Variants in RASGRF1 observed in about 807,000 individuals in gnomAD.
RASGRF1 encodes the protein Ras protein specific guanine nucleotide releasing factor 1, also known as ras-specific guanine nucleotide-releasing factor 1.
A neutral mutation model predicts 138.7 loss-of-function variants in RASGRF1; 40 were observed. That is an observed-to-expected ratio of 0.29 (90% CI 0.22 to 0.38). RASGRF1 has a LOEUF of 0.38. RASGRF1 is among the 10% of genes least tolerant of loss of function. RASGRF1 has a pLI of 1.00. For synonymous variants in RASGRF1, 614 were observed against 663.2 expected, an observed-to-expected ratio of 0.93 and a Z score of 1.14; for missense variants, 1,108 against 1,650.4, an observed-to-expected ratio of 0.67 and a Z score of 5.69.
At position 79,035,290 on chromosome 15, in the gene RASGRF1, G is replaced by A. The variant is rs145457358; in HGVS notation, c.879-80C>T. 1.0e-3 allele frequency: 1,204 copies of A among 1,175,946 alleles called. 3 individuals carry two copies. The African/African-American group carries it at 0.017, about 17-fold the overall frequency. The allele number at this position is 1,175,946 out of a possible 1,614,324, so 72.8% of individuals were successfully genotyped here. A position where few individuals can be genotyped will look rare whatever the true frequency, so the allele number is the denominator to read the frequency against. ...AGGTGACTGTCCCCAAACCTCCTGC[G>A]TGACTTCAGCAGCGAACCCTTTTCT... On this transcript the variant is annotated intron_variant, in intron 5 of 26. Transcript: ENST00000558480.
chr15:79,074,132 T>C (rs549433984), intron 1 of RASGRF1, among the ~76,000 whole-genome samples: 1 of 152,220 alleles, frequency 6.6e-6, no homozygotes, highest in Non-Finnish European at 1.5e-5. Context: ...TCCAAATCCC[T>C]TGGGGCGCTT....
chr15:78,996,518 C>T (rs1478195102), intron 19 of RASGRF1, among the ~76,000 whole-genome samples: 5 of 152,098 alleles, frequency 3.3e-5, no homozygotes, highest in Admixed American at 6.5e-5. Context: ...GCTGAGGAAA[C>T]GGCCCCTCAG....
In RASGRF1 at chr15:79,054,711, A is replaced by C. The variant is rs1336004739; in HGVS notation, c.531+3623T>G. On this transcript the variant is annotated intron_variant, in intron 3 of 26. Transcript: ENST00000558480. ...CTCTCAATGGACACACAGAGTCAGTAATCAACCTCTGTTGTTTTAAGACAT... is the reference window on the plus strand; with the variant it reads ...CTCTCAATGGACACACAGAGTCAGTCATCAACCTCTGTTGTTTTAAGACAT... 3.9e-5 allele frequency among the ~76,000 whole-genome samples: 6 copies of C among 152,352 alleles called. No individual in the cohort carries two copies. The East Asian group carries it at 7.7e-4, about 20-fold the overall frequency.
intron 1 of RASGRF1, among the ~76,000 whole-genome samples, chr15:79,080,905 G>A (rs989594360): frequency 6.6e-6 from 1 of 152,218 alleles, no homozygotes; most frequent in Non-Finnish European, 1.5e-5. Flanking sequence ...GCACAAAATA[G>A]ACACTCAATT....
At chr15:78,982,605 A>C (rs1430799841) in intron 23 of RASGRF1, among the ~76,000 whole-genome samples, 1 of 152,066 alleles carries the variant, frequency 6.6e-6, no homozygotes, top group Non-Finnish European at 1.5e-5. Context: ...CCCTTGGAAT[A>C]TGGGATTGAA....
At position 79,027,523 on chromosome 15, in the gene RASGRF1, CTG is replaced by C. The variant is rs555846931; in HGVS notation, c.1381+216_1381+217del. Reference sequence around the variant, plus strand: ...CTGTTTACATCTGGAGAGAAGGAAACTGTGAAAACCAATAATATCTGCATCTA... The same window carrying C: ...CTGTTTACATCTGGAGAGAAGGAAACTGAAAACCAATAATATCTGCATCTA... On this transcript the variant is annotated intron_variant, in intron 9 of 26. Transcript: ENST00000558480. This position sits in a 1 kb window ranked among gnomAD's most constrained non-coding sequence, Gnocchi z 4.8. Among the ~76,000 whole-genome samples the C allele has an allele frequency of 9.8e-3, 1,488 of 152,352 alleles. 10 individuals are homozygous for C. Among genetic ancestry groups the C allele is most frequent in the Non-Finnish European group, 0.014 (953 of 68,038 alleles).
chr15:79,035,601 C>T (rs2057209629), intron 5 of RASGRF1, among the ~76,000 whole-genome samples: 1 of 152,212 alleles, frequency 6.6e-6, no homozygotes, highest in African/African-American at 2.4e-5. Context: ...TGGAGGAAAC[C>T]AGGGCTCTGG....
intron 14 of RASGRF1, chr15:79,005,343 G>A: frequency 1.0e-6 from 1 of 985,436 alleles, no homozygotes. Context: ...TCTGCTCCAG[G>A]CAGCCCTAGA....
At chr15:79,004,520 C>T (rs184923960) in intron 14 of RASGRF1, among the ~76,000 whole-genome samples, 1 of 152,254 alleles carries the variant, frequency 6.6e-6, no homozygotes, top group African/African-American at 2.4e-5. Context: ...GGGCCTGCTC[C>T]CGCCTACACT....
chr15:78,962,308 T>G lies in RASGRF1; in HGVS notation c.3682-72A>C, dbSNP rs931854220. 3.6e-6 allele frequency: 4 copies of G among 1,118,586 alleles called. No homozygotes were observed. In the African/African-American group the frequency reaches 6.2e-5, roughly 17 times the overall value. The allele number at this position is 1,118,586 out of a possible 1,614,324, so 69.3% of individuals were successfully genotyped here. On this transcript the variant is annotated intron_variant, in intron 26 of 26. Coordinates refer to ENST00000558480, the MANE Select transcript of RASGRF1 (RefSeq NM_001145648.3). ...CATAGTACTGATTGTGGATGCACTT[T>G]ATCTCCTAGGGCCCAAGCCTCTTAC...
At chr15:79,003,072 G>GAACA (rs2056573580) in intron 15 of RASGRF1, among the ~76,000 whole-genome samples, 2 of 152,308 alleles carry the variant, frequency 1.3e-5, no homozygotes, top group Admixed American at 1.3e-4. Flanking sequence ...AGAGTAGGGA[G>GAACA]GCTCCAGCCT....
At chr15:79,044,875 A>G (rs2057338220) in intron 5 of RASGRF1, among the ~76,000 whole-genome samples, 1 of 152,204 alleles carries the variant, frequency 6.6e-6, no homozygotes, top group Admixed American at 6.5e-5. Context: ...TTTTGAACAA[A>G]TGCTGTGAGC....
At chr15:79,018,359 A>C (rs1346011911) in intron 11 of RASGRF1, among the ~76,000 whole-genome samples, 1 of 152,256 alleles carries the variant, frequency 6.6e-6, no homozygotes, top group African/African-American at 2.4e-5. Context: ...TGGGCTGGAC[A>C]TTTAGTTCAG....
chr15:79,021,735 T>G (rs2140982357), intron 10 of RASGRF1, among the ~76,000 whole-genome samples: 1 of 152,312 alleles, frequency 6.6e-6, no homozygotes, highest in Non-Finnish European at 1.5e-5. Context: ...ACGTGCTGGC[T>G]TCTTCTGTCT....
chr15:79,002,897 A>G (rs2056567050), intron 15 of RASGRF1, among the ~76,000 whole-genome samples: 1 of 152,208 alleles, frequency 6.6e-6, no homozygotes, highest in African/African-American at 2.4e-5. Flanking sequence ...TCCTCCTCAA[A>G]GCCTGGGGCG....
In RASGRF1 at chr15:79,004,127, G is replaced by A. The variant is rs770172047; in HGVS notation, c.2124C>T (p.Tyr708=). ...CGCGCGGGGACTTGGGGGGTTCACCGTACAGGAGCTTATTGTTCTGGCCAC... is the reference window on the plus strand; with the variant it reads ...CGCGCGGGGACTTGGGGGGTTCACCATACAGGAGCTTATTGTTCTGGCCAC... The part of the protein sequence containing the change: ...FASGQNNKLL[Y]GEPPKSPRAT... The change falls in exon 15 of 27, where the codon TAC becomes TAT. Residue 708 remains tyrosine, a synonymous_variant. Coordinates refer to ENST00000558480, the MANE Select transcript of RASGRF1 (RefSeq NM_001145648.3). 1.3e-5 allele frequency: 21 copies of A among 1,609,770 alleles called. No individual in the cohort carries two copies. The highest frequency in any genetic ancestry group is 6.7e-5 in the Admixed American group (4 of 59,818).
Position 79,032,276 on chromosome 15 carries a change from G to T in RASGRF1, c.999C>A (p.Tyr333Ter). 6.2e-7 allele frequency: 1 copy of T among 1,614,052 alleles called. No homozygotes were observed. The highest frequency in any genetic ancestry group is 8.5e-7 in the Non-Finnish European group (1 of 1,179,948). ...FDILLPMLNI[Y>*]QEFVRNHQYS... Reference sequence around the variant, plus strand: ...ACTGGTGGTTGCGGACGAACTCTTGGTAGATGTTGAGCATGGGCAGCAGGA... The same window carrying T: ...ACTGGTGGTTGCGGACGAACTCTTGTTAGATGTTGAGCATGGGCAGCAGGA... Residue 333 changes from tyrosine (Y) to a stop codon, truncating the protein, a stop_gained, in exon 7 of 27, where the codon TAC (tyrosine) becomes TAA (stop). Transcript: ENST00000558480. LOFTEE classifies it high-confidence loss of function. The surrounding 1 kb of genome is among the most constrained non-coding windows in gnomAD (Gnocchi z 4.5).
intron 26 of RASGRF1, 64 bp downstream of exon 26, chr15:78,971,802 G>A (rs1221236878): frequency 3.5e-6 from 5 of 1,417,632 alleles, no homozygotes; most frequent in South Asian, 1.2e-5. Flanking sequence ...GGGACAGGGT[G>A]GAAGGTGGCC....
intron 24 of RASGRF1, among the ~76,000 whole-genome samples, chr15:78,975,481 C>T (rs953362628): frequency 1.3e-5 from 2 of 149,386 alleles, no homozygotes; most frequent in African/African-American, 2.5e-5. Context: ...ATGATTATTA[C>T]ATGCACAGGT....
Sources: gnomAD v4.1 joint callset for allele counts (sites outside exome capture counted in the v4.1 genomes callset) on GRCh38, gnomAD v4.1.1 for gene constraint, Gnocchi (gnomAD v3.1) non-coding constraint, MANE v1.5 for transcripts, NCBI Gene and HGNC (gene_info 2026-07-23, HGNC 2026-07-21) for gene names.